FIRRM: variants seen among roughly 807,000 people sequenced by gnomAD.
The protein encoded by FIRRM is FIGNL1 interacting regulator of recombination and mitosis, also known as FIGNL1-interacting regulator of recombination and mitosis.
At chr1:169,838,257 T>C in the FIRRM span, among the ~76,000 whole-genome samples, 2 of 152,116 alleles carry the variant, frequency 1.3e-5, no homozygotes, top group African/African-American at 4.8e-5. Flanking sequence ...AGGAAATGTT[T>C]TTATGTGACT....
the FIRRM span, chr1:169,795,996 T>A: frequency 4.7e-5 from 46 of 981,360 alleles, no homozygotes; most frequent in Admixed American, 9.2e-4. Context: ...AAACCATATG[T>A]ATATGTATCT....
the FIRRM span, chr1:169,843,571 C>T: frequency 5.8e-6 from 4 of 687,940 alleles, no homozygotes; most frequent in Admixed American, 4.8e-5. Flanking sequence ...ATATAAAATA[C>T]TTAACATATT....
chr1:169,822,244 C>T, the FIRRM span, among the ~76,000 whole-genome samples: 1 of 152,198 alleles, frequency 6.6e-6, no homozygotes, highest in Non-Finnish European at 1.5e-5. Context: ...TCTTAAATGG[C>T]AGCTGCCCAG....
the FIRRM span, chr1:169,852,776 T>A: frequency 6.2e-7 from 1 of 1,612,304 alleles, no homozygotes; most frequent in East Asian, 2.2e-5. Context: ...ATATTACTTA[T>A]GTTTTTTTTC....
the FIRRM span, chr1:169,830,131 A>G: frequency 1.1e-5 from 8 of 698,506 alleles, no homozygotes; most frequent in African/African-American, 1.8e-5. Flanking sequence ...AGAAAGTAGA[A>G]CTCCCCCATT....
chr1:169,809,002 C>T, the FIRRM span, among the ~76,000 whole-genome samples: 1 of 152,126 alleles, frequency 6.6e-6, no homozygotes, highest in Non-Finnish European at 1.5e-5. Context: ...ACAGGGAATT[C>T]CTTTGTACCT....
chr1:169,830,853 C>A, the FIRRM span: 4 of 1,048,678 alleles, frequency 3.8e-6, no homozygotes, highest in Non-Finnish European at 5.9e-6. Flanking sequence ...ATCACAGTAA[C>A]AAGATTGTTT....
At chr1:169,803,678 AT>A in the FIRRM span, among the ~76,000 whole-genome samples, 1 of 152,196 alleles carries the variant, frequency 6.6e-6, no homozygotes, top group Non-Finnish European at 1.5e-5. Flanking sequence ...GTTAATCCTT[AT>A]TTAGTCCATC....
chr1:169,824,720 T>G, the FIRRM span, among the ~76,000 whole-genome samples: 1 of 152,202 alleles, frequency 6.6e-6, no homozygotes, highest in Non-Finnish European at 1.5e-5. Flanking sequence ...TCTGTTGGTT[T>G]CTAGGGCATG....
the FIRRM span, chr1:169,798,843 TA>T: frequency 5.6e-6 from 5 of 885,140 alleles, no homozygotes; most frequent in Admixed American, 7.8e-5. Context: ...AAAAGGGTTT[TA>T]TTTTTTTTTT....
chr1:169,818,291 C>G, the FIRRM span, among the ~76,000 whole-genome samples: 1 of 152,188 alleles, frequency 6.6e-6, no homozygotes, highest in African/African-American at 2.4e-5. Context: ...AGGTCTGACT[C>G]TTTCTAGCAT....
chr1:169,833,071 T>C, the FIRRM span, among the ~76,000 whole-genome samples: 2 of 152,232 alleles, frequency 1.3e-5, no homozygotes, highest in Non-Finnish European at 2.9e-5. Context: ...TTATTTTTCA[T>C]ATATATTTGA....
the FIRRM span, chr1:169,795,291 A>ACCCAC: frequency 1.2e-5 from 17 of 1,464,736 alleles, no homozygotes; most frequent in Admixed American, 6.1e-5. Flanking sequence ...GTCCCTTCAG[A>ACCCAC]CCCACCGCCA....
At chr1:169,824,033 C>G in the FIRRM span, among the ~76,000 whole-genome samples, 1 of 152,310 alleles carries the variant, frequency 6.6e-6, no homozygotes, top group South Asian at 2.1e-4. Flanking sequence ...AGTCCTGTTG[C>G]AGCTTCATAA....
At chr1:169,811,232 C>T in the FIRRM span, among the ~76,000 whole-genome samples, 2 of 152,104 alleles carry the variant, frequency 1.3e-5, no homozygotes, top group Non-Finnish European at 2.9e-5. Context: ...ATTTAATTTC[C>T]ACTCTAATTC....
the FIRRM span, chr1:169,852,517 G>A: frequency 4.3e-6 from 2 of 460,386 alleles, no homozygotes; most frequent in Non-Finnish European, 7.8e-6. Context: ...GGACTATGCA[G>A]CACTTCTCAT....
At chr1:169,799,922 C>T in the FIRRM span, among the ~76,000 whole-genome samples, 2 of 152,114 alleles carry the variant, frequency 1.3e-5, no homozygotes, top group African/African-American at 4.8e-5. Flanking sequence ...AGCAGTAGTG[C>T]GATCATAGCT....
chr1:169,845,282 T>G, the FIRRM span, among the ~76,000 whole-genome samples: 1 of 152,340 alleles, frequency 6.6e-6, no homozygotes. Context: ...AAAACACTAA[T>G]GATCATATAA....
the FIRRM span, among the ~76,000 whole-genome samples, chr1:169,788,817 T>G: frequency 2.6e-5 from 4 of 152,250 alleles, no homozygotes; most frequent in Admixed American, 6.5e-5. Flanking sequence ...AATATTTAAG[T>G]TATAAAGTTG....
Sources: gnomAD v4.1 joint callset for allele counts (sites outside exome capture counted in the v4.1 genomes callset) on GRCh38, gnomAD v4.1.1 for gene constraint, MANE v1.5 for transcripts, NCBI Gene and HGNC (gene_info 2026-07-23, HGNC 2026-07-21) for gene names.